POU2F3: variants seen among roughly 807,000 people sequenced by gnomAD.
POU2F3 encodes POU domain, class 2, transcription factor 3.
A neutral mutation model predicts 59.2 loss-of-function variants in POU2F3; 23 were observed. That is an observed-to-expected ratio of 0.39 (90% CI 0.28 to 0.55). POU2F3 has a LOEUF of 0.55. Among genes scored for constraint, POU2F3 ranks in the 20% least tolerant of loss-of-function variants. The pLI is 0.66. For synonymous variants in POU2F3, 190 were observed against 214.6 expected (o/e 0.89, Z 1.00); for missense variants, 473 against 544.5 (o/e 0.87, Z 1.31).
chr11:120,309,344 G>T, intron 9 of POU2F3, 81 bp from the exon 10 acceptor site: 1 of 1,408,312 alleles, frequency 7.1e-7, no homozygotes, highest in Non-Finnish European at 9.9e-7. Context: ...ATGTATAGTT[G>T]TATCCTGTTT....
chr11:120,241,932 G>A (rs972387409), intron 1 of POU2F3, among the ~76,000 whole-genome samples: 1 of 152,138 alleles, frequency 6.6e-6, no homozygotes, highest in Non-Finnish European at 1.5e-5. Context: ...TTCCCCAGGA[G>A]TGAGCTCCTG....
chr11:120,305,130 C>A lies in POU2F3; in HGVS notation c.545C>A (p.Ala182Asp). 1 of 1,613,824 alleles carries A rather than the reference C, an allele frequency of 6.2e-7. No individual in the cohort carries two copies. Among genetic ancestry groups the A allele is most frequent in the Non-Finnish European group, 8.5e-7 (1 of 1,179,992 alleles). ...VPKHLPSSGG[A>D]DEPSDLEELE... The stretch of plus-strand genomic sequence containing the variant: ...AAGCATCTACCCAGCTCTGGAGGGG[C>A]CGATGAGCCCAGTGACCTCGAGGAG... Residue 182 changes from alanine to aspartate, a missense_variant, in exon 7 of 13, where the codon GCC becomes GAC. Ala to Asp is a moderately radical substitution (Grantham distance 126). Transcript: ENST00000543440.
chr11:120,293,266 G>A (rs1183247666), intron 3 of POU2F3, among the ~76,000 whole-genome samples: 4 of 152,190 alleles, frequency 2.6e-5, no homozygotes, highest in African/African-American at 4.8e-5. Flanking sequence ...AGGCATCTGA[G>A]GAGGCAGGAG....
Position 120,285,899 on chromosome 11 carries a change from C to T in POU2F3, c.133-12366C>T, listed in dbSNP as rs942549711. ...TGTTTGGGGGTTTTTCTGTTTTTTTCTGAGACGGAGTCTTGCTCTGTCACC... is the reference window on the plus strand; with the variant it reads ...TGTTTGGGGGTTTTTCTGTTTTTTTTTGAGACGGAGTCTTGCTCTGTCACC... On this transcript the variant is annotated intron_variant, in intron 3 of 12. Coordinates refer to ENST00000543440, the MANE Select transcript of POU2F3 (RefSeq NM_014352.4). The surrounding 1 kb of genome is among the most constrained non-coding windows in gnomAD (Gnocchi z 4.3). Among the ~76,000 whole-genome samples, 12 of 146,964 alleles carry T rather than the reference C, an allele frequency of 8.2e-5. No individual in the cohort carries two copies. Among genetic ancestry groups the T allele is most frequent in the African/African-American group, 2.8e-4 (11 of 39,950 alleles).
At chr11:120,257,968 G>T (rs898509628) in intron 2 of POU2F3, among the ~76,000 whole-genome samples, 1 of 152,206 alleles carries the variant, frequency 6.6e-6, no homozygotes, top group African/African-American at 2.4e-5. Flanking sequence ...AGCTCTTCCA[G>T]CCTCAGTTTC....
chr11:120,270,356 C>A (rs1940007513), intron 3 of POU2F3, among the ~76,000 whole-genome samples: 1 of 152,122 alleles, frequency 6.6e-6, no homozygotes. Context: ...AATTATAATA[C>A]AGCCTCATTT....
rs564812049 is a variant in POU2F3, at chr11:120,285,906, G to A, written c.133-12359G>A. 2.2e-4 allele frequency among the ~76,000 whole-genome samples: 33 copies of A among 151,566 alleles called. No homozygotes were observed. The highest frequency in any genetic ancestry group is 1.2e-3 in the Admixed American group (18 of 15,190). On this transcript the variant is annotated intron_variant, in intron 3 of 12. Transcript: ENST00000543440. This position sits in a 1 kb window ranked among gnomAD's most constrained non-coding sequence, Gnocchi z 4.3. ...GGGTTTTTCTGTTTTTTTCTGAGAC[G>A]GAGTCTTGCTCTGTCACCCAGGCTG...
chr11:120,240,466 T>C, intron 1 of POU2F3, 95 bp downstream of exon 1: 1 of 1,265,940 alleles, frequency 7.9e-7, no homozygotes. Flanking sequence ...GGGGGGCTTG[T>C]TTCCCAGCGG....
intron 3 of POU2F3, among the ~76,000 whole-genome samples, chr11:120,275,910 A>T (rs1047210082): frequency 2.6e-5 from 4 of 152,202 alleles, no homozygotes; most frequent in African/African-American, 9.6e-5. Context: ...TGACCAACCA[A>T]CTACCACGGT....
At chr11:120,252,399 G>A (rs887007670) in intron 2 of POU2F3, among the ~76,000 whole-genome samples, 9 of 151,550 alleles carry the variant, frequency 5.9e-5, no homozygotes, top group Admixed American at 3.9e-4. Flanking sequence ...GTAGGGACGG[G>A]GTTTCACCGT....
intron 3 of POU2F3, among the ~76,000 whole-genome samples, chr11:120,279,002 A>T (rs1940450841): frequency 6.6e-6 from 1 of 152,192 alleles, no homozygotes; most frequent in Non-Finnish European, 1.5e-5. Flanking sequence ...TTGAACTCTG[A>T]CTGTATGCCG....
chr11:120,290,932 G>A (rs6589804), intron 3 of POU2F3, among the ~76,000 whole-genome samples: 18,325 of 152,258 alleles, frequency 0.12, 1,608 homozygotes, highest in African/African-American at 0.24. Flanking sequence ...GAGATTTCAT[G>A]ACATTCCTGA....
chr11:120,267,597 GTACT>G lies in POU2F3; in HGVS notation c.98-1611_98-1608del, dbSNP rs1591392960. 5.5e-5 allele frequency among the ~76,000 whole-genome samples: 4 copies of G among 72,220 alleles called. No individual in the cohort carries two copies. The East Asian group carries it at 0.044, about 802-fold the overall frequency. 47.4% of individuals were successfully genotyped at this position (72,220 alleles called of 152,430 possible). On this transcript the variant is annotated intron_variant, in intron 2 of 12. Transcript: ENST00000543440. ...CCTCATGACCACACAGGAAAGGGCT[GTACT>G]TGCCCATGGTTGTTTAGGACACAGC... is the stretch of plus-strand genomic sequence containing the variant.
intron 1 of POU2F3, among the ~76,000 whole-genome samples, chr11:120,241,673 T>A (rs1051646171): frequency 2.0e-5 from 3 of 152,114 alleles, no homozygotes; most frequent in Non-Finnish European, 4.4e-5. Flanking sequence ...AAGGCCAGGG[T>A]TTGAATGGGA....
At position 120,318,507 on chromosome 11, in the gene POU2F3, A is replaced by C; in HGVS notation, c.*115A>C. On this transcript the variant is annotated 3_prime_UTR_variant, in exon 13 of 13. Coordinates refer to ENST00000543440, the MANE Select transcript of POU2F3 (RefSeq NM_014352.4). ...AGAAGAGTGGAAGAAAATCTCCACT[A>C]TCAATGAACCCAGACTCTTGTCTTC... 9.3e-7 allele frequency: 1 copy of C among 1,069,862 alleles called. No individual in the cohort carries two copies. The highest frequency in any genetic ancestry group is 1.4e-6 in the Non-Finnish European group (1 of 701,184). 66.3% of individuals were successfully genotyped at this position (1,069,862 alleles called of 1,614,324 possible).
chr11:120,295,453 G>C (rs1941168593), intron 3 of POU2F3, among the ~76,000 whole-genome samples: 1 of 152,248 alleles, frequency 6.6e-6, no homozygotes, highest in Admixed American at 6.5e-5. Flanking sequence ...TACCCTCTGG[G>C]ATGGCAGATG....
At chr11:120,267,040 T>G (rs1939853280) in intron 2 of POU2F3, among the ~76,000 whole-genome samples, 1 of 152,192 alleles carries the variant, frequency 6.6e-6, no homozygotes, top group South Asian at 2.1e-4. Flanking sequence ...GGGATTTTTT[T>G]TAAGAGAAAA....
Position 120,251,320 on chromosome 11 carries a change from A to G in POU2F3, c.97+4803A>G, listed in dbSNP as rs192936552. Among the ~76,000 whole-genome samples, 1,192 of 152,236 alleles carry G rather than the reference A, an allele frequency of 7.8e-3. 16 individuals are homozygous for G. The highest frequency in any genetic ancestry group is 0.027 in the African/African-American group (1,138 of 41,568). Reference sequence around the variant, plus strand: ...CACATGTGTGAGCCTGTGCGTGCGCACACACACACACGCACACACACTCTC... The same window carrying G: ...CACATGTGTGAGCCTGTGCGTGCGCGCACACACACACGCACACACACTCTC... On this transcript the variant is annotated intron_variant, in intron 2 of 12. Coordinates refer to ENST00000543440, the MANE Select transcript of POU2F3 (RefSeq NM_014352.4).
chr11:120,248,991 C>T (rs575958227), intron 2 of POU2F3, among the ~76,000 whole-genome samples: 7 of 152,278 alleles, frequency 4.6e-5, no homozygotes, highest in African/African-American at 1.4e-4. Context: ...GAAAGCACCC[C>T]CTGTGCTGCG....
Sources: allele counts gnomAD v4.1 joint callset (sites outside exome capture counted in the v4.1 genomes callset), GRCh38; gene constraint gnomAD v4.1.1; non-coding constraint Gnocchi (gnomAD v3.1); transcripts MANE v1.5; gene names NCBI Gene and HGNC (gene_info 2026-07-23, HGNC 2026-07-21).